The following OPRD1 variants were observed in gnomAD, a reference collection of about 807,000 sequenced individuals.
The protein encoded by OPRD1 is delta-type opioid receptor.
A neutral mutation model predicts 17.5 loss-of-function variants in OPRD1; 19 were observed. The observed-to-expected ratio is 1.09, with a 90% CI of 0.76 to 1.60. The LOEUF is 1.60. Ranked by LOEUF, OPRD1 falls within the 40% of genes most tolerant of loss-of-function variation. The pLI, the probability that OPRD1 is intolerant of heterozygous loss-of-function variation, is 0.00. For synonymous variants in OPRD1, 256 were observed against 240.9 expected (o/e 1.06, Z -0.58); for missense variants, 483 against 547.2 (o/e 0.88, Z 1.17).
chr1:28,815,689 A>G (rs111787630), intron 1 of OPRD1, among the ~76,000 whole-genome samples: 1,615 of 152,304 alleles, frequency 0.011, 24 homozygotes, highest in African/African-American at 0.036. Context: ...GCTGCGCTCC[A>G]TCTGCGGTTT....
At chr1:28,816,138 C>T (rs181239655) in intron 1 of OPRD1, among the ~76,000 whole-genome samples, 13 of 152,314 alleles carry the variant, frequency 8.5e-5, no homozygotes, top group Non-Finnish European at 1.5e-4. Flanking sequence ...CAACATTCTA[C>T]ATGCTCTGTG....
chr1:28,849,507 TGCACACACACACAC>T (rs1204274965), intron 1 of OPRD1, among the ~76,000 whole-genome samples: 1 of 151,548 alleles, frequency 6.6e-6, no homozygotes, highest in African/African-American at 2.4e-5. Flanking sequence ...CACACACACA[TGCACACACACACAC>T]GCACACACAG....
chr1:28,840,026 G>A lies in OPRD1; in HGVS notation c.228-18928G>A, dbSNP rs537949463. On this transcript the variant is annotated intron_variant, in intron 1 of 2. Transcript: ENST00000234961. ...CCTGCACTCAGGGTTCCTCCAGTAA[G>A]CGCTGTGTCTCCTCTGAGCCTGGCC... is the stretch of plus-strand genomic sequence containing the variant. 4.6e-5 allele frequency among the ~76,000 whole-genome samples: 7 copies of A among 152,294 alleles called. No homozygotes were observed. In the East Asian group the frequency reaches 1.4e-3, roughly 29 times the overall value.
rs1260774585 is a variant in OPRD1 at position 28,864,826 on chromosome 1, A to G, written c.*1543A>G. ...GTCCTGGGCCCTGATAAGAACCTGG[A>G]TGAAATCCTCTTCCATTCTCCCAAC... On this transcript the variant is annotated 3_prime_UTR_variant, in exon 3 of 3. Transcript: ENST00000234961. 1 of 152,054 alleles carries G rather than the reference A, an allele frequency of 6.6e-6. No individual in the cohort carries two copies. The highest frequency in any genetic ancestry group is 1.5e-5 in the Non-Finnish European group (1 of 68,068). The allele number at this position is 152,054 out of a possible 1,614,324, so 9.4% of individuals were successfully genotyped here.
chr1:28,835,632 C>A (rs1037715828), intron 1 of OPRD1, among the ~76,000 whole-genome samples: 34 of 152,210 alleles, frequency 2.2e-4, no homozygotes, highest in Admixed American at 2.2e-3. Context: ...CCAGCTGGAC[C>A]CCGGCTGACT....
rs1223493183 is a variant in OPRD1 at position 28,866,174 on chromosome 1, GCAT to G, written c.*2894_*2896del. On this transcript the variant is annotated 3_prime_UTR_variant, in exon 3 of 3. Transcript: ENST00000234961. ...GCCTGAGCCAGTGTTGGGAGATAAA[GCAT>G]CAACAGATGATTGCACCTCAGTGTG... 6.6e-6 allele frequency: 1 copy of G among 152,384 alleles called. No individual in the cohort carries two copies. Among genetic ancestry groups the G allele is most frequent in the East Asian group, 1.9e-4 (1 of 5,188 alleles). 9.4% of individuals were successfully genotyped at this position (152,384 alleles called of 1,614,324 possible).
intron 1 of OPRD1, among the ~76,000 whole-genome samples, chr1:28,858,155 C>G (rs1358107570): frequency 1.4e-5 from 2 of 145,860 alleles, no homozygotes; most frequent in Non-Finnish European, 3.0e-5. Context: ...CTTCTGTGGC[C>G]CAGGCGGGAG....
intron 1 of OPRD1, among the ~76,000 whole-genome samples, chr1:28,857,683 A>T (rs1569652137): frequency 6.6e-6 from 1 of 152,096 alleles, no homozygotes; most frequent in Non-Finnish European, 1.5e-5. Flanking sequence ...ATGGGGTTTC[A>T]CTGTGTCGCC....
chr1:28,857,557 C>T (rs2089067611), intron 1 of OPRD1, among the ~76,000 whole-genome samples: 1 of 152,204 alleles, frequency 6.6e-6, no homozygotes, highest in South Asian at 2.1e-4. Flanking sequence ...CAACCTCTGC[C>T]TCCTGGGCTC....
chr1:28,846,928 T>TCTTC (rs58708543), intron 1 of OPRD1, among the ~76,000 whole-genome samples: 5,200 of 148,484 alleles, frequency 0.035, 349 homozygotes, highest in African/African-American at 0.13. Flanking sequence ...TCTTTCTTTT[T>TCTTC]CTTCCTTCCT....
intron 1 of OPRD1, among the ~76,000 whole-genome samples, chr1:28,834,994 C>T (rs956704148): frequency 9.9e-5 from 15 of 152,168 alleles, no homozygotes; most frequent in African/African-American, 3.6e-4. Flanking sequence ...CTGTTTGCTC[C>T]CCTGTTCTGC....
chr1:28,858,610 A>G (rs2089080626), intron 1 of OPRD1, among the ~76,000 whole-genome samples: 1 of 149,936 alleles, frequency 6.7e-6, no homozygotes, highest in Admixed American at 6.7e-5. Flanking sequence ...CAATGGCGCA[A>G]TCTCGGCTCA....
chr1:28,839,176 A>G lies in OPRD1; in HGVS notation c.228-19778A>G, dbSNP rs2298898. On this transcript the variant is annotated intron_variant, in intron 1 of 2. Transcript: ENST00000234961. The stretch of plus-strand genomic sequence containing the variant: ...AGAAATCCAAAATCAAGGTGACAGC[A>G]GGGCTGTGCTTTCTCTGAAGCCTCT... 1.1e-3 allele frequency among the ~76,000 whole-genome samples: 160 copies of G among 152,322 alleles called. 2 individuals are homozygous for G. In the East Asian group the frequency reaches 0.016, roughly 15 times the overall value.
chr1:28,854,906 T>C (rs994183301), intron 1 of OPRD1, among the ~76,000 whole-genome samples: 1 of 152,034 alleles, frequency 6.6e-6, no homozygotes, highest in Non-Finnish European at 1.5e-5. Context: ...CACCTCAGCC[T>C]CCCAAAGTGC....
At chr1:28,829,910 T>G (rs573596039) in intron 1 of OPRD1, among the ~76,000 whole-genome samples, 1 of 150,636 alleles carries the variant, frequency 6.6e-6, no homozygotes, top group Admixed American at 6.6e-5. Flanking sequence ...GGGACTCACT[T>G]TTTTCCCAGG....
intron 2 of OPRD1, among the ~76,000 whole-genome samples, chr1:28,861,643 C>T (rs1326926922): frequency 6.6e-6 from 1 of 152,086 alleles, no homozygotes; most frequent in Non-Finnish European, 1.5e-5. Flanking sequence ...TGGGGTTTTG[C>T]CATGTTGCCC....
intron 1 of OPRD1, among the ~76,000 whole-genome samples, chr1:28,832,036 G>A (rs1430699648): frequency 6.6e-6 from 1 of 152,174 alleles, no homozygotes; most frequent in Non-Finnish European, 1.5e-5. Context: ...GGCAGAGCCA[G>A]CCTTTGAACT....
chr1:28,841,309 G>T (rs1231015877), intron 1 of OPRD1, among the ~76,000 whole-genome samples: 1 of 152,258 alleles, frequency 6.6e-6, no homozygotes, highest in Non-Finnish European at 1.5e-5. Context: ...TGAATGCTAC[G>T]GTGTGGGCCC....
intron 1 of OPRD1, among the ~76,000 whole-genome samples, chr1:28,841,603 C>T (rs2088897056): frequency 6.6e-6 from 1 of 152,190 alleles, no homozygotes; most frequent in African/African-American, 2.4e-5. Context: ...GGAAACAACT[C>T]ACCCAAAGCT....
Sources: gnomAD v4.1 joint callset for allele counts (sites outside exome capture counted in the v4.1 genomes callset) on GRCh38, gnomAD v4.1.1 for gene constraint, MANE v1.5 for transcripts, NCBI Gene and HGNC (gene_info 2026-07-23, HGNC 2026-07-21) for gene names.